FYN: variants seen among roughly 807,000 people sequenced by gnomAD.
The protein encoded by FYN is FYN proto-oncogene, Src family tyrosine kinase.
Under a neutral mutation model 70.2 loss-of-function variants are expected in FYN, and 10 were observed. That is an observed-to-expected ratio of 0.14 (90% CI 0.09 to 0.24). The LOEUF is 0.24. FYN is among the 10% of genes least tolerant of loss of function. The pLI is 1.00. For synonymous variants in FYN, 236 were observed against 248.6 expected, an observed-to-expected ratio of 0.95 and a Z score of 0.48; for missense variants, 319 against 673.1, an observed-to-expected ratio of 0.47 and a Z score of 5.82.
intron 3 of FYN, among the ~76,000 whole-genome samples, chr6:111,764,228 A>AAAAAAAAAAAAG (rs530424442): frequency 1.3e-4 from 18 of 134,878 alleles, no homozygotes; most frequent in African/African-American, 4.4e-4. Flanking sequence ...AAAAAAAAAA[A>AAAAAAAAAAAAG]AAAAGAAAAG....
chr6:111,674,816 G>A (rs577639834), intron 12 of FYN, among the ~76,000 whole-genome samples, 186 bp from the exon 13 acceptor site: 4 of 152,230 alleles, frequency 2.6e-5, no homozygotes, highest in African/African-American at 4.8e-5. Context: ...CTGTGTGACC[G>A]TAAGTAATCC....
At chr6:111,708,208 C>T (rs1161185585) in intron 5 of FYN, 188 bp from the exon 6 acceptor site, 10 of 536,370 alleles carry the variant, frequency 1.9e-5, no homozygotes, top group Non-Finnish European at 3.4e-5. Context: ...TCGAGTCAGC[C>T]ATGAGATGAA....
At chr6:111,796,602 T>C (rs1474474948) in intron 2 of FYN, among the ~76,000 whole-genome samples, 2 of 152,114 alleles carry the variant, frequency 1.3e-5, no homozygotes, top group Non-Finnish European at 2.9e-5. Context: ...GGTCTCCAAT[T>C]GAAGAAAAAA....
At chr6:111,758,586 T>G (rs1409644875) in intron 3 of FYN, among the ~76,000 whole-genome samples, 1 of 152,202 alleles carries the variant, frequency 6.6e-6, no homozygotes, top group African/African-American at 2.4e-5. Flanking sequence ...AAGCCAAGTG[T>G]CCTGCTGATT....
chr6:111,690,403 C>T (rs955151930), intron 12 of FYN, among the ~76,000 whole-genome samples: 1 of 152,178 alleles, frequency 6.6e-6, no homozygotes, highest in Non-Finnish European at 1.5e-5. Flanking sequence ...CCACCTCAAG[C>T]TCAACAGATC....
intron 2 of FYN, among the ~76,000 whole-genome samples, chr6:111,794,763 A>T (rs1040941373): frequency 2.0e-5 from 3 of 152,214 alleles, no homozygotes; most frequent in Admixed American, 1.3e-4. Context: ...CAACAGCAGA[A>T]TTGTCTTGAT....
At chr6:111,710,514 TCA>T (rs920924033) in intron 5 of FYN, among the ~76,000 whole-genome samples, 4 of 152,250 alleles carry the variant, frequency 2.6e-5, no homozygotes, top group African/African-American at 9.6e-5. Context: ...CCTATTAATC[TCA>T]CAAGGGTTTT....
chr6:111,771,997 A>G (rs1803471127), intron 3 of FYN, among the ~76,000 whole-genome samples: 1 of 152,136 alleles, frequency 6.6e-6, no homozygotes, highest in Non-Finnish European at 1.5e-5. Flanking sequence ...GAAAAATCCT[A>G]GCTCTAAACC....
intron 2 of FYN, among the ~76,000 whole-genome samples, chr6:111,836,079 T>G (rs989659709): frequency 6.6e-5 from 10 of 152,102 alleles, no homozygotes; most frequent in African/African-American, 2.4e-4. Flanking sequence ...ACAGAGAAAC[T>G]GAAAGACAAC....
chr6:111,812,945 A>T (rs1772373336), intron 2 of FYN, among the ~76,000 whole-genome samples: 1 of 152,142 alleles, frequency 6.6e-6, no homozygotes, highest in Non-Finnish European at 1.5e-5. Context: ...GATATTATAC[A>T]CGATTGTTGC....
At chr6:111,797,665 C>CATATATAT (rs57984132) in intron 2 of FYN, among the ~76,000 whole-genome samples, 107 of 90,882 alleles carry the variant, frequency 1.2e-3, no homozygotes, top group Non-Finnish European at 2.2e-3. Flanking sequence ...ATCAAAGTTT[C>CATATATAT]ATATATATAT....
chr6:111,763,697 A>T (rs1002038451), intron 3 of FYN, among the ~76,000 whole-genome samples: 2 of 152,236 alleles, frequency 1.3e-5, no homozygotes, highest in African/African-American at 2.4e-5. Flanking sequence ...TATTCATGCT[A>T]CAAAACTTTT....
At chr6:111,869,833 A>G (rs1448322237) in intron 1 of FYN, among the ~76,000 whole-genome samples, 1 of 152,266 alleles carries the variant, frequency 6.6e-6, no homozygotes, top group Admixed American at 6.5e-5. Flanking sequence ...TGATTGTATC[A>G]CATGGGATTA....
Position 111,661,489 on chromosome 6 carries a change from A to C in FYN, c.*250T>G. The C allele has an allele frequency of 2.2e-6, 1 of 458,092 alleles. No homozygotes were observed. The highest frequency in any genetic ancestry group is 3.5e-5 in the South Asian group (1 of 28,796). The allele number at this position is 458,092 out of a possible 1,614,324, so 28.4% of individuals were successfully genotyped here. Reference sequence around the variant, plus strand: ...GAACAGAGGTTTGGCCTTTTACATAACATCGATACAATGCATTTTCCAAAG... The same window carrying C: ...GAACAGAGGTTTGGCCTTTTACATACCATCGATACAATGCATTTTCCAAAG... On this transcript the variant is annotated 3_prime_UTR_variant, in exon 14 of 14. Transcript: ENST00000354650. The surrounding 1 kb of genome is among the most constrained non-coding windows in gnomAD (Gnocchi z 4.0).
intron 12 of FYN, among the ~76,000 whole-genome samples, chr6:111,679,842 T>C (rs556248276): frequency 1.3e-5 from 2 of 152,102 alleles, no homozygotes; most frequent in African/African-American, 4.8e-5. Context: ...AGCCCCATAC[T>C]TTGTTCTCTG....
intron 4 of FYN, among the ~76,000 whole-genome samples, chr6:111,717,447 T>A (rs558884624): frequency 6.6e-6 from 1 of 152,134 alleles, no homozygotes; most frequent in African/African-American, 2.4e-5. Context: ...CCTACAGAAA[T>A]GACAGGGAGC....
intron 3 of FYN, among the ~76,000 whole-genome samples, chr6:111,735,928 G>C (rs1801691196): frequency 6.6e-6 from 1 of 152,198 alleles, no homozygotes; most frequent in African/African-American, 2.4e-5. Flanking sequence ...TGAGAGCCCT[G>C]GCACACAAAA....
chr6:111,852,840 T>TA (rs1226669200), intron 1 of FYN, among the ~76,000 whole-genome samples: 1 of 152,218 alleles, frequency 6.6e-6, no homozygotes, highest in African/African-American at 2.4e-5. Flanking sequence ...CTCTCTTTGC[T>TA]AAAATACATT....
intron 3 of FYN, among the ~76,000 whole-genome samples, chr6:111,762,669 C>A (rs568677931): frequency 1.8e-4 from 28 of 152,262 alleles, no homozygotes; most frequent in African/African-American, 6.7e-4. Flanking sequence ...AATGGCCCTG[C>A]AAAGCTGTGT....
Sources: allele counts gnomAD v4.1 joint callset (sites outside exome capture counted in the v4.1 genomes callset), GRCh38; gene constraint gnomAD v4.1.1; non-coding constraint Gnocchi (gnomAD v3.1); transcripts MANE v1.5; gene names NCBI Gene and HGNC (gene_info 2026-07-23, HGNC 2026-07-21).